CEP152: variants seen among roughly 807,000 people sequenced by gnomAD.
CEP152 encodes centrosomal protein of 152 kDa.
CEP152 carries 132 observed loss-of-function variants against 188.9 expected under a neutral mutation model. The observed-to-expected ratio is 0.70, with a 90% CI of 0.61 to 0.81. The LOEUF is 0.81. CEP152 is among the 30% of genes least tolerant of loss of function. The pLI, the probability that CEP152 is intolerant of heterozygous loss-of-function variation, is 0.00. For missense variants in CEP152, 1,914 were observed against 1,969.8 expected (o/e 0.97, Z 0.54); for synonymous variants, 649 against 666.6 (o/e 0.97, Z 0.41).
At chr15:48,799,100 AC>A in intron 2 of CEP152, among the ~76,000 whole-genome samples, 1 of 152,128 alleles carries the variant, frequency 6.6e-6, no homozygotes. Flanking sequence ...CATAAATCAA[AC>A]CCCATAACAT....
chr15:48,800,333 T>C (rs1293857660), intron 2 of CEP152, among the ~76,000 whole-genome samples: 1 of 152,212 alleles, frequency 6.6e-6, no homozygotes, highest in African/African-American at 2.4e-5. Context: ...TCATATTCCC[T>C]GGCTTCTGTA....
In CEP152 at chr15:48,738,225, T is replaced by C; in HGVS notation, c.*24A>G. On this transcript the variant is annotated 3_prime_UTR_variant, in exon 27 of 27. Coordinates refer to ENST00000380950, the MANE Select transcript of CEP152 (RefSeq NM_001194998.2). ...TCCATTTTTGTTAATATATTAATGA[T>C]TCTTCTTAAATACTGTACCATAATT... 2 of 1,587,092 alleles carry C rather than the reference T, an allele frequency of 1.3e-6. No individual in the cohort carries two copies. The highest frequency in any genetic ancestry group is 1.7e-6 in the Non-Finnish European group (2 of 1,164,934).
chr15:48,739,372 AT>A, intron 26 of CEP152, 84 bp from the exon 27 acceptor site: 1 of 1,456,158 alleles, frequency 6.9e-7, no homozygotes, highest in Non-Finnish European at 9.0e-7. Flanking sequence ...AATAAAAAAA[AT>A]TAAAAATAAG....
At chr15:48,786,057 CAGA>C (rs1896613943) in intron 9 of CEP152, among the ~76,000 whole-genome samples, 1 of 150,892 alleles carries the variant, frequency 6.6e-6, no homozygotes, top group Non-Finnish European at 1.5e-5. Flanking sequence ...TCTAAGCCAA[CAGA>C]AAGTGTTCAA....
intron 26 of CEP152, 150 bp from the exon 27 acceptor site, chr15:48,739,438 AT>A (rs1892807181): frequency 8.1e-7 from 1 of 1,235,072 alleles, no homozygotes; most frequent in African/African-American, 1.5e-5. Context: ...TACTGTAATA[AT>A]TCTTAAAGAA....
chr15:48,755,792 CA>C lies in CEP152; in HGVS notation c.3345+110del, dbSNP rs1894213566. 1.2e-5 allele frequency: 19 copies of C among 1,559,612 alleles called. No individual in the cohort carries two copies. In the Admixed American group the frequency reaches 2.3e-4, roughly 19 times the overall value. On this transcript the variant is annotated intron_variant, in intron 20 of 26. Transcript: ENST00000380950. ...AACTTTTTTAAACCACTGACAAAAA[CA>C]TAAGACTTACATCTACTAAAATTTA...
chr15:48,746,413 A>G (rs1893428955), intron 22 of CEP152, among the ~76,000 whole-genome samples: 1 of 152,184 alleles, frequency 6.6e-6, no homozygotes, highest in Non-Finnish European at 1.5e-5. Context: ...GGTTTTCATC[A>G]TATTTTAACA....
At position 48,760,170 on chromosome 15, in the gene CEP152, A is replaced by T; in HGVS notation, c.2659T>A (p.Trp887Arg). 1 of 1,614,040 alleles carries T rather than the reference A, an allele frequency of 6.2e-7. No individual in the cohort carries two copies. The highest frequency in any genetic ancestry group is 8.5e-7 in the Non-Finnish European group (1 of 1,179,944). The change falls in exon 19 of 27, where the codon TGG (tryptophan) becomes AGG (arginine). Residue 887 changes from tryptophan to arginine, a missense_variant. Trp to Arg is a moderately radical substitution (Grantham distance 101, BLOSUM62 -3). Transcript: ENST00000380950. Reference sequence around the variant, plus strand: ...ACAGAGACCTCATGCTGTTCTTCCCACTTTTTCTGTTCTGCCTTCACAAGT... The same window carrying T: ...ACAGAGACCTCATGCTGTTCTTCCCTCTTTTTCTGTTCTGCCTTCACAAGT... ...QALVKAEQKK[W>R]EEQHEVSVNK... is the part of the protein sequence containing the mutation.
At chr15:48,741,368 T>C in intron 26 of CEP152, 1 of 1,344,648 alleles carries the variant, frequency 7.4e-7, no homozygotes. Context: ...AAATCTTTTC[T>C]ATCATTTCGA....
At chr15:48,732,921 C>T (rs1249190252) in intron 2 of CEP152, among the ~76,000 whole-genome samples, 1 of 151,134 alleles carries the variant, frequency 6.6e-6, no homozygotes, top group Non-Finnish European at 1.5e-5. Flanking sequence ...AGATCCCTTA[C>T]TTATAATTAA....
At position 48,738,085 on chromosome 15, in the gene CEP152, G is replaced by T. The variant is rs943240842; in HGVS notation, c.*164C>A. 5.2e-6 allele frequency: 4 copies of T among 772,224 alleles called. No individual in the cohort carries two copies. Among genetic ancestry groups the T allele is most frequent in the African/African-American group, 3.5e-5 (2 of 56,972 alleles). The allele number at this position is 772,224 out of a possible 1,614,324, so 47.8% of individuals were successfully genotyped here. On this transcript the variant is annotated 3_prime_UTR_variant, in exon 27 of 27. Coordinates refer to ENST00000380950, the MANE Select transcript of CEP152 (RefSeq NM_001194998.2). ...ACCATCAGGCCTTTGGAATATTAAG[G>T]CAACATAAATATCTCAAGCAATTTT...
intron 2 of CEP152, among the ~76,000 whole-genome samples, chr15:48,803,344 T>A (rs1897791437): frequency 6.6e-6 from 1 of 152,190 alleles, no homozygotes; most frequent in South Asian, 2.1e-4. Context: ...AGATATGCAT[T>A]CAAGCTTGGG....
At chr15:48,784,141 G>A in intron 9 of CEP152, 21 bp from the exon 10 acceptor site, 1 of 1,606,846 alleles carries the variant, frequency 6.2e-7, no homozygotes, top group Non-Finnish European at 8.5e-7. Flanking sequence ...AAAAAGTTCA[G>A]GAAGTCATTT....
chr15:48,739,030 T>C lies in CEP152; in HGVS notation c.4352A>G (p.Lys1451Arg). ...ATTCCTTGGCAAACTGTTTAGGTGC[T>C]TGCAACTACCATCCCCAAACTGGAA... is the stretch of plus-strand genomic sequence containing the variant. ...LEFQFGDGSCKHLNSLPRNVS... is the reference protein window; with the variant it reads ...LEFQFGDGSCRHLNSLPRNVS... Residue 1451 changes from lysine to arginine, a missense_variant, in exon 27 of 27, where the codon AAG becomes AGG. Physicochemically the swap from Lys to Arg is conservative, Grantham distance 26. Coordinates refer to ENST00000380950, the MANE Select transcript of CEP152 (RefSeq NM_001194998.2). 6 of 1,614,192 alleles carry C rather than the reference T, an allele frequency of 3.7e-6. No homozygotes were observed. Among genetic ancestry groups the C allele is most frequent in the Non-Finnish European group, 5.1e-6 (6 of 1,180,024 alleles).
intron 25 of CEP152, 31 bp downstream of exon 25, chr15:48,741,916 T>C: frequency 6.2e-7 from 1 of 1,614,174 alleles, no homozygotes; most frequent in Non-Finnish European, 8.5e-7. Context: ...GTCCTGGTAA[T>C]CTCAGGACAC....
At chr15:48,789,693 C>T (rs1198235034) in intron 8 of CEP152, among the ~76,000 whole-genome samples, 1 of 152,136 alleles carries the variant, frequency 6.6e-6, no homozygotes, top group Non-Finnish European at 1.5e-5. Flanking sequence ...AAGTCAGAAC[C>T]AGAGAGACTC....
At chr15:48,793,023 T>C (rs562214227) in intron 7 of CEP152, among the ~76,000 whole-genome samples, 3 of 152,274 alleles carry the variant, frequency 2.0e-5, no homozygotes, top group Admixed American at 6.5e-5. Context: ...GGTTTCACCA[T>C]GTTGGCCAGG....
At chr15:48,780,043 A>C (rs1441786991) in intron 12 of CEP152, among the ~76,000 whole-genome samples, 1 of 152,188 alleles carries the variant, frequency 6.6e-6, no homozygotes, top group African/African-American at 2.4e-5. Flanking sequence ...CGAAGGATGG[A>C]TACTGTCTTT....
chr15:48,796,332 A>C (rs1466548962), intron 5 of CEP152, among the ~76,000 whole-genome samples, 172 bp from the exon 6 acceptor site: 1 of 151,808 alleles, frequency 6.6e-6, no homozygotes, highest in Non-Finnish European at 1.5e-5. Context: ...ACATATATAT[A>C]TCTGCTCAAA....
Sources: gnomAD v4.1 joint callset for allele counts (sites outside exome capture counted in the v4.1 genomes callset) on GRCh38, gnomAD v4.1.1 for gene constraint, MANE v1.5 for transcripts, NCBI Gene and HGNC (gene_info 2026-07-23, HGNC 2026-07-21) for gene names.